The following MED16 variants were observed in gnomAD, a reference collection of about 807,000 sequenced individuals.
MED16 encodes mediator complex subunit 16, also known as mediator of RNA polymerase II transcription subunit 16.
A neutral mutation model predicts 84.4 loss-of-function variants in MED16; 81 were observed. The observed-to-expected ratio is 0.96, with a 90% CI of 0.80 to 1.15. The LOEUF (loss-of-function observed/expected upper bound fraction) is 1.15. Among genes scored for constraint, MED16 ranks in the 50% most tolerant of loss-of-function variants. MED16 has a pLI of 0.00. For synonymous variants in MED16, 897 were observed against 552.2 expected, an observed-to-expected ratio of 1.62 and a Z score of -8.76; for missense variants, 1,585 against 1,245.9, an observed-to-expected ratio of 1.27 and a Z score of -4.10.
Position 868,239 on chromosome 19 carries a change from G to A in MED16, c.2496C>T (p.Gly832=). The A allele has an allele frequency of 3.1e-6, 5 of 1,595,112 alleles. No homozygotes were observed. The highest frequency in any genetic ancestry group is 4.3e-6 in the Non-Finnish European group (5 of 1,171,722). ...TGGTCACGCAGGCGTCCGGCCCACG[G>A]CCTTCAACAGCCCTGCAGGGCGGGC... is the stretch of plus-strand genomic sequence containing the variant. ...RWIKNCLAVE[G]RGPDACVTSR... The change falls in exon 16 of 16, where the codon GGC becomes GGT. Residue 832 remains glycine, a synonymous_variant. Coordinates refer to ENST00000325464, the MANE Select transcript of MED16 (RefSeq NM_005481.3).
chr19:870,973 G>A lies in MED16; in HGVS notation c.2315+64C>T, dbSNP rs569675678. The A allele has an allele frequency of 3.4e-4, 501 of 1,464,760 alleles. 6 individuals are homozygous for A. The South Asian group carries it at 6.1e-3, about 18-fold the overall frequency. The allele number at this position is 1,464,760 out of a possible 1,614,324, so 90.7% of individuals were successfully genotyped here. A position where few individuals can be genotyped will look rare whatever the true frequency, so the allele number is the denominator to read the frequency against. On this transcript the variant is annotated intron_variant, in intron 13 of 15. Transcript: ENST00000325464. The stretch of plus-strand genomic sequence containing the variant: ...GGGAGGGAGCCGTGTGGATTCGGGG[G>A]TCCCGGGGCAGGACACGGAGGAAGG...
intron 7 of MED16, among the ~76,000 whole-genome samples, chr19:881,324 C>T (rs977468924): frequency 2.6e-5 from 4 of 152,226 alleles, no homozygotes; most frequent in Admixed American, 2.6e-4. Flanking sequence ...TGACTCTTTA[C>T]ATATTAAAGA....
At chr19:879,615 C>CA (rs2036365330) in intron 8 of MED16, among the ~76,000 whole-genome samples, 1 of 8,036 alleles carries the variant, frequency 1.2e-4, no homozygotes, top group Non-Finnish European at 2.2e-4. Flanking sequence ...GTCAATGCCC[C>CA]CCAAGCCCAG....
chr19:889,541 C>T lies in MED16; in HGVS notation c.447+97G>A, dbSNP rs969929954. On this transcript the variant is annotated intron_variant, in intron 4 of 15. Transcript: ENST00000325464. The stretch of plus-strand genomic sequence containing the variant: ...GAGCCAAGTGCAAGGTCCAAAAAAC[C>T]AGGGGATGCTGGTGATGGAGAGGAG... The T allele has an allele frequency of 9.6e-6, 14 of 1,459,874 alleles. No individual in the cohort carries two copies. In the Admixed American group the frequency reaches 1.8e-4, roughly 18 times the overall value. 90.4% of individuals were successfully genotyped at this position (1,459,874 alleles called of 1,614,324 possible).
At chr19:883,515 G>C (rs953715318) in intron 6 of MED16, among the ~76,000 whole-genome samples, 1 of 152,030 alleles carries the variant, frequency 6.6e-6, no homozygotes, top group Non-Finnish European at 1.5e-5. Flanking sequence ...ATGGGGGAGA[G>C]ATGGGTGCGG....
At chr19:872,207 G>T (rs568065755) in intron 11 of MED16, 89 bp from the exon 12 acceptor site, 100 of 1,050,128 alleles carry the variant, frequency 9.5e-5, no homozygotes, top group Non-Finnish European at 1.2e-4. Flanking sequence ...AACCCCGACC[G>T]GGGGGCAATG....
At chr19:870,961 G>C in intron 13 of MED16, 76 bp downstream of exon 13, 1 of 1,408,234 alleles carries the variant, frequency 7.1e-7, no homozygotes, top group Non-Finnish European at 9.6e-7. Context: ...AGGGAGCCGT[G>C]TGGATTCGGG....
At chr19:870,894 G>C in intron 13 of MED16, 143 bp downstream of exon 13, 1 of 792,474 alleles carries the variant, frequency 1.3e-6, no homozygotes, top group Non-Finnish European at 1.9e-6. Flanking sequence ...TCCCGGGCAG[G>C]ACATGGAGGC....
At chr19:876,687 C>T (rs948689354) in intron 9 of MED16, among the ~76,000 whole-genome samples, 5 of 152,134 alleles carry the variant, frequency 3.3e-5, no homozygotes, top group African/African-American at 1.2e-4. Flanking sequence ...CCATAGAGCC[C>T]CCAACCTGCC....
chr19:890,338 T>C (rs754076148), intron 2 of MED16, 94 bp from the exon 3 acceptor site: 2 of 837,162 alleles, frequency 2.4e-6, no homozygotes, highest in South Asian at 1.9e-5. Flanking sequence ...CCGGTGTGTG[T>C]CCCACCCCAG....
intron 6 of MED16, among the ~76,000 whole-genome samples, chr19:882,958 G>T (rs1299909485): frequency 2.6e-5 from 4 of 152,214 alleles, no homozygotes; most frequent in African/African-American, 7.2e-5. Context: ...GCACACAGTG[G>T]TCAGGGGTGG....
chr19:876,365 T>C (rs1248661737), intron 9 of MED16, among the ~76,000 whole-genome samples: 1 of 152,080 alleles, frequency 6.6e-6, no homozygotes, highest in African/African-American at 2.4e-5. Context: ...GGCGGGTCTC[T>C]GTGTGTTCAT....
chr19:883,612 G>A (rs527640688), intron 6 of MED16, among the ~76,000 whole-genome samples: 1 of 152,238 alleles, frequency 6.6e-6, no homozygotes, highest in Admixed American at 6.5e-5. Context: ...GCTCTCGGGC[G>A]GGTAACAGCT....
At position 871,117 on chromosome 19, in the gene MED16, C is replaced by T. The variant is rs2036040316; in HGVS notation, c.2235G>A (p.Lys745=). The T allele has an allele frequency of 1.3e-6, 2 of 1,548,792 alleles. No individual in the cohort carries two copies. The highest frequency in any genetic ancestry group is 1.7e-6 in the Non-Finnish European group (2 of 1,146,036). The change falls in exon 13 of 16, where the codon AAG becomes AAA. Residue 745 remains lysine (K), a synonymous_variant. Transcript: ENST00000325464. ...SDGLVSRLQP[K]QPLRLQFGRA... is the part of the protein sequence containing the mutation. ...GGCCAAACTGCAGACGAAGGGGCTG[C>T]TTGGGCTGCAGGCGGCTAACCAGGC...
chr19:880,003 G>A lies in MED16; in HGVS notation c.1287C>T (p.Val429=), dbSNP rs563849886. The change falls in exon 8 of 16, where the codon GTC becomes GTT. Residue 429 remains valine (V), a synonymous_variant. Coordinates refer to ENST00000325464, the MANE Select transcript of MED16 (RefSeq NM_005481.3). ...ACGATAGCTGCATAGCCTTTAAGTGGACGGCGGGGCCCGCGGTGCGGGGGC... is the reference window on the plus strand; with the variant it reads ...ACGATAGCTGCATAGCCTTTAAGTGAACGGCGGGGCCCGCGGTGCGGGGGC... The part of the protein sequence containing the change: ...MKRPRTAGPA[V]HLKAMQLSWT... The A allele has an allele frequency of 3.9e-5, 63 of 1,610,016 alleles. No homozygotes were observed. The highest frequency in any genetic ancestry group is 2.6e-4 in the South Asian group (24 of 90,784).
intron 9 of MED16, 105 bp downstream of exon 9, chr19:876,869 C>G: frequency 8.5e-7 from 1 of 1,171,924 alleles, no homozygotes; most frequent in Non-Finnish European, 1.2e-6. Context: ...ACGGGACCAC[C>G]TGCCACGGGG....
chr19:872,797 AGCAGAAGCAAGGCGAACCG>A (rs890142799), intron 11 of MED16: 44 of 219,470 alleles, frequency 2.0e-4, no homozygotes, highest in Non-Finnish European at 3.3e-4. Flanking sequence ...GGGCAGCAGC[AGCAGAAGCAAGGCGAACCG>A]GCCTTCGTGT....
chr19:877,058 C>T lies in MED16; in HGVS notation c.1476G>A (p.Leu492=). The T allele has an allele frequency of 1.2e-6, 2 of 1,612,668 alleles. No homozygotes were observed. The highest frequency in any genetic ancestry group is 1.7e-6 in the Non-Finnish European group (2 of 1,179,932). ...GTACCATACTGGGCTGCACGTGCAG[C>T]AGGATGTCCCACCAGTCGTAGCCGG... ...MVTGYDWWDI[L]LHVQPSMVQS... is the part of the protein sequence containing the mutation. Residue 492 remains leucine (L), a synonymous_variant, in exon 9 of 16, where the codon CTG becomes CTA. Transcript: ENST00000325464.
At chr19:873,247 T>A (rs1267744753) in intron 11 of MED16, among the ~76,000 whole-genome samples, 2 of 59,380 alleles carry the variant, frequency 3.4e-5, no homozygotes, top group East Asian at 8.3e-4. Context: ...CAAGTAGGGG[T>A]GGGACTCCAA....
Sources: gnomAD v4.1 joint callset for allele counts (sites outside exome capture counted in the v4.1 genomes callset) on GRCh38, gnomAD v4.1.1 for gene constraint, MANE v1.5 for transcripts, NCBI Gene and HGNC (gene_info 2026-07-23, HGNC 2026-07-21) for gene names.